The following RBPJ variants were observed in gnomAD, a reference collection of about 807,000 sequenced individuals.
RBPJ encodes recombination signal binding protein for immunoglobulin kappa J region, also known as recombining binding protein suppressor of hairless.
Under a neutral mutation model 67.8 loss-of-function variants are expected in RBPJ, and 9 were observed. The observed-to-expected ratio is 0.13, with a 90% CI of 0.08 to 0.23. RBPJ has a LOEUF of 0.23. Among genes scored for constraint, RBPJ ranks in the 10% least tolerant of loss-of-function variants. The pLI is 1.00. For synonymous variants in RBPJ, 198 were observed against 203.3 expected, an observed-to-expected ratio of 0.97 and a Z score of 0.22; for missense variants, 305 against 595.6, an observed-to-expected ratio of 0.51 and a Z score of 5.08.
intron 1 of RBPJ, among the ~76,000 whole-genome samples, chr4:26,223,491 TAGA>T (rs984526885): frequency 6.6e-6 from 1 of 152,164 alleles, no homozygotes; most frequent in Non-Finnish European, 1.5e-5. Flanking sequence ...AAGTAAAAAG[TAGA>T]AGTTTTCCAA....
upstream of RBPJ, chr4:26,320,995 C>T: frequency 1.2e-6 from 2 of 1,613,460 alleles, no homozygotes; most frequent in Non-Finnish European, 8.5e-7. Context: ...GGGAATCTCG[C>T]GAGGGTTGGA....
the RBPJ span, among the ~76,000 whole-genome samples, chr4:26,124,911 G>A: frequency 1.3e-5 from 2 of 152,094 alleles, no homozygotes; most frequent in Admixed American, 6.5e-5. Flanking sequence ...TGTGGCACAC[G>A]ACTGTAGTTC....
chr4:26,255,573 C>T lies in RBPJ; in HGVS notation c.-167+91959C>T, dbSNP rs539691496. On this transcript the variant is annotated intron_variant, in intron 1 of 4. Transcript: ENST00000512351. Reference sequence around the variant, plus strand: ...ATCCCAGCACTTTGGGAGGCCAAGGCGGGCGGATCACGAGGTCGGGAGATC... The same window carrying T: ...ATCCCAGCACTTTGGGAGGCCAAGGTGGGCGGATCACGAGGTCGGGAGATC... 3.5e-3 allele frequency among the ~76,000 whole-genome samples: 534 copies of T among 150,768 alleles called. 3 individuals carry two copies. The highest frequency in any genetic ancestry group is 4.4e-3 in the Non-Finnish European group (299 of 67,690).
At chr4:26,296,413 G>A (rs569529971) in intron 1 of RBPJ, among the ~76,000 whole-genome samples, 5 of 152,206 alleles carry the variant, frequency 3.3e-5, no homozygotes, top group Admixed American at 2.6e-4. Flanking sequence ...CTTTATGGAC[G>A]GTGGATGGTG....
chr4:26,152,725 A>T, the RBPJ span, among the ~76,000 whole-genome samples: 1 of 152,188 alleles, frequency 6.6e-6, no homozygotes, highest in East Asian at 1.9e-4. Context: ...TTAATCACTA[A>T]TCCATATTGA....
chr4:26,195,195 C>T (rs1560205879), intron 1 of RBPJ, among the ~76,000 whole-genome samples: 1 of 152,154 alleles, frequency 6.6e-6, no homozygotes, highest in South Asian at 2.1e-4. Context: ...ATAGCGAGAC[C>T]TTGTCTTTAC....
chr4:26,167,630 G>A (rs1716372304), intron 1 of RBPJ, among the ~76,000 whole-genome samples: 1 of 138,156 alleles, frequency 7.2e-6, no homozygotes, highest in Non-Finnish European at 1.5e-5. Context: ...AGACAATGGG[G>A]TTTTCTAGAT....
At chr4:26,306,362 C>G (rs1441356403) in intron 1 of RBPJ, among the ~76,000 whole-genome samples, 1 of 151,686 alleles carries the variant, frequency 6.6e-6, no homozygotes, top group Non-Finnish European at 1.5e-5. Flanking sequence ...CGAGCGTTTG[C>G]CAGTATTTTA....
intron 1 of RBPJ, among the ~76,000 whole-genome samples, chr4:26,228,888 G>C (rs868033434): frequency 6.6e-6 from 1 of 152,156 alleles, no homozygotes; most frequent in Non-Finnish European, 1.5e-5. Flanking sequence ...TTTTGAGTAC[G>C]ACATCTGAAT....
chr4:26,304,461 C>T (rs1722170276), intron 1 of RBPJ, among the ~76,000 whole-genome samples: 1 of 152,224 alleles, frequency 6.6e-6, no homozygotes, highest in Non-Finnish European at 1.5e-5. Flanking sequence ...TTCTCACCAT[C>T]AATGTATGAG....
chr4:26,223,635 C>A (rs903158415), intron 1 of RBPJ, among the ~76,000 whole-genome samples: 1 of 152,184 alleles, frequency 6.6e-6, no homozygotes, highest in Non-Finnish European at 1.5e-5. Context: ...GCTGGGCTGG[C>A]TGACCAAGGG....
chr4:26,427,009 A>G (rs1735739481), intron 7 of RBPJ, among the ~76,000 whole-genome samples: 1 of 152,206 alleles, frequency 6.6e-6, no homozygotes, highest in South Asian at 2.1e-4. Flanking sequence ...GTTTAGAAGT[A>G]TATGTGTGGC....
At chr4:26,411,883 G>A (rs1271950903) in intron 3 of RBPJ, among the ~76,000 whole-genome samples, 4 of 151,304 alleles carry the variant, frequency 2.6e-5, no homozygotes, top group African/African-American at 7.3e-5. Flanking sequence ...CGAGGCGGGC[G>A]GATCACGAGG....
upstream of RBPJ, among the ~76,000 whole-genome samples, chr4:26,315,791 C>G (rs546575143): frequency 1.1e-4 from 17 of 152,184 alleles, no homozygotes. Flanking sequence ...AGACCTCCCC[C>G]CAGGAATGCA....
chr4:26,318,647 AT>A (rs1722745784), upstream of RBPJ, among the ~76,000 whole-genome samples: 1 of 152,064 alleles, frequency 6.6e-6, no homozygotes, highest in Non-Finnish European at 1.5e-5. Context: ...CTGTTTATTT[AT>A]TTATTTATTT....
chr4:26,329,661 G>T (rs181140731), intron 1 of RBPJ, among the ~76,000 whole-genome samples: 43 of 152,210 alleles, frequency 2.8e-4, no homozygotes, highest in African/African-American at 1.0e-3. Context: ...TTGGGAGGCC[G>T]AGGCGGGCGG....
At chr4:26,261,007 G>A (rs1577367531) in intron 1 of RBPJ, among the ~76,000 whole-genome samples, 2 of 152,166 alleles carry the variant, frequency 1.3e-5, no homozygotes, top group East Asian at 1.9e-4. Flanking sequence ...CTCCCTAAAC[G>A]ATGTAAGACA....
chr4:26,136,267 T>G, the RBPJ span, among the ~76,000 whole-genome samples: 1 of 152,176 alleles, frequency 6.6e-6, no homozygotes, highest in Non-Finnish European at 1.5e-5. Context: ...TCCAGGGAGC[T>G]GAAAGAATCC....
intron 1 of RBPJ, among the ~76,000 whole-genome samples, chr4:26,252,684 GA>G (rs1027246330): frequency 7.9e-5 from 12 of 152,156 alleles, no homozygotes; most frequent in African/African-American, 2.7e-4. Flanking sequence ...CTCGAGTCTG[GA>G]AAACATTAAC....
Sources: gnomAD v4.1 joint callset for allele counts (sites outside exome capture counted in the v4.1 genomes callset) on GRCh38, gnomAD v4.1.1 for gene constraint, MANE v1.5 for transcripts, NCBI Gene and HGNC (gene_info 2026-07-23, HGNC 2026-07-21) for gene names.